The following GALNTL6 variants were observed in gnomAD, a reference collection of about 807,000 sequenced individuals.
GALNTL6 encodes polypeptide N-acetylgalactosaminyltransferase-like 6.
In GALNTL6, 46 loss-of-function variants were observed where a neutral mutation model predicts 73.7. The observed-to-expected ratio is 0.62, with a 90% confidence interval of 0.49 to 0.80. The LOEUF (loss-of-function observed/expected upper bound fraction) is 0.80, where lower values mean the gene tolerates loss of function less well. Among genes scored for constraint, GALNTL6 ranks in the 30% least tolerant of loss-of-function variants. GALNTL6 has a pLI of 0.00. For missense variants in GALNTL6, 604 were observed against 755.0 expected (o/e 0.80, Z 2.34); for synonymous variants, 259 against 263.7 (o/e 0.98, Z 0.17).
rs1579816427 is a variant in GALNTL6 at position 173,041,260 on chromosome 4, G to A, written c.*1160G>A. ...TCTTTTATTTGGAAGCTCATAAAAG[G>A]AATTACCATTAATAAAGTGTTTCTG... On this transcript the variant is annotated 3_prime_UTR_variant, in exon 13 of 13. Coordinates refer to ENST00000506823, the MANE Select transcript of GALNTL6 (RefSeq NM_001034845.3). The A allele has an allele frequency of 6.6e-6, 1 of 151,724 alleles. No individual in the cohort carries two copies. Among genetic ancestry groups the A allele is most frequent in the Non-Finnish European group, 1.5e-5 (1 of 67,942 alleles). The allele number at this position is 151,724 out of a possible 1,614,324, so 9.4% of individuals were successfully genotyped here.
At chr4:172,852,417 A>G (rs1256604746) in intron 7 of GALNTL6, among the ~76,000 whole-genome samples, 3 of 152,178 alleles carry the variant, frequency 2.0e-5, no homozygotes, top group Admixed American at 2.0e-4. Context: ...ACCTCTGCCC[A>G]CATCCCGTTG....
chr4:172,566,671 G>T (rs937318394), intron 5 of GALNTL6, among the ~76,000 whole-genome samples: 8 of 149,440 alleles, frequency 5.4e-5, no homozygotes, highest in Admixed American at 4.0e-4. Context: ...TAGATGGGAA[G>T]AAAAAATATT....
chr4:173,017,699 A>T (rs776221866), intron 11 of GALNTL6, among the ~76,000 whole-genome samples: 2 of 152,210 alleles, frequency 1.3e-5, no homozygotes, highest in Non-Finnish European at 2.9e-5. Flanking sequence ...TACATAAAAC[A>T]CTGTGAAAAT....
chr4:172,640,167 A>G lies in GALNTL6; in HGVS notation c.554-169194A>G, dbSNP rs534502433. Among the ~76,000 whole-genome samples, 3 of 152,276 alleles carry G rather than the reference A, an allele frequency of 2.0e-5. No individual in the cohort carries two copies. In the East Asian group the frequency reaches 5.8e-4, roughly 29 times the overall value. Reference sequence around the variant, plus strand: ...TTATAAAAGTCATCAAAAAACCATTACATTACAAATGCACAGTTAGTTCTG... The same window carrying G: ...TTATAAAAGTCATCAAAAAACCATTGCATTACAAATGCACAGTTAGTTCTG... On this transcript the variant is annotated intron_variant, in intron 5 of 12. Transcript: ENST00000506823.
At chr4:172,918,825 G>A (rs1255929157) in intron 8 of GALNTL6, among the ~76,000 whole-genome samples, 1 of 152,160 alleles carries the variant, frequency 6.6e-6, no homozygotes, top group South Asian at 2.1e-4. Flanking sequence ...GAAAATGGTG[G>A]AAAGCTGCCC....
intron 5 of GALNTL6, among the ~76,000 whole-genome samples, chr4:172,807,856 T>C (rs1437773078): frequency 6.6e-6 from 1 of 152,204 alleles, no homozygotes; most frequent in Admixed American, 6.5e-5. Context: ...ACAGTCTCAC[T>C]CTATTGCCCA....
chr4:171,816,378 C>T (rs149829567), intron 2 of GALNTL6: 14 of 151,842 alleles, frequency 9.2e-5, no homozygotes, highest in Non-Finnish European at 2.1e-4. Flanking sequence ...AAAACTGTGA[C>T]AGTTTAACTC....
chr4:172,831,032 G>T (rs1742599911), intron 7 of GALNTL6, among the ~76,000 whole-genome samples: 1 of 141,694 alleles, frequency 7.1e-6, no homozygotes, highest in South Asian at 2.4e-4. Flanking sequence ...GGTGGCACAT[G>T]CTTGTAATCT....
At chr4:172,869,198 A>T (rs1744802970) in intron 7 of GALNTL6, among the ~76,000 whole-genome samples, 1 of 152,230 alleles carries the variant, frequency 6.6e-6, no homozygotes, top group African/African-American at 2.4e-5. Context: ...ACTGCAAATA[A>T]TTTCTGGCCA....
intron 5 of GALNTL6, among the ~76,000 whole-genome samples, chr4:172,613,156 G>T (rs1057335468): frequency 6.6e-6 from 1 of 152,100 alleles, no homozygotes; most frequent in African/African-American, 2.4e-5. Flanking sequence ...CCCAGGATAA[G>T]AGATAGACAT....
chr4:172,627,815 G>A (rs1043200224), intron 5 of GALNTL6, among the ~76,000 whole-genome samples: 2 of 151,840 alleles, frequency 1.3e-5, no homozygotes, highest in African/African-American at 4.8e-5. Flanking sequence ...TAGTCTCTGA[G>A]AATTTTTTGT....
chr4:173,002,777 A>G (rs540977133), intron 10 of GALNTL6, among the ~76,000 whole-genome samples: 1 of 146,576 alleles, frequency 6.8e-6, no homozygotes, highest in Non-Finnish European at 1.5e-5. Flanking sequence ...CCTGGGGGAC[A>G]GAGTGAGACT....
intron 5 of GALNTL6, among the ~76,000 whole-genome samples, chr4:172,407,668 G>C (rs1744286230): frequency 6.6e-6 from 1 of 152,010 alleles, no homozygotes; most frequent in African/African-American, 2.4e-5. Flanking sequence ...TGCTTTATTT[G>C]ATGATTCAGG....
intron 3 of GALNTL6, among the ~76,000 whole-genome samples, chr4:172,265,427 GA>G (rs1346998177): frequency 6.6e-6 from 1 of 152,018 alleles, no homozygotes; most frequent in Non-Finnish European, 1.5e-5. Context: ...TGAAAGACTA[GA>G]CAAAGCATTT....
intron 4 of GALNTL6, among the ~76,000 whole-genome samples, chr4:172,318,155 C>T (rs542027653): frequency 6.6e-6 from 1 of 152,172 alleles, no homozygotes; most frequent in East Asian, 1.9e-4. Flanking sequence ...CAATTGTATG[C>T]ACAGTAATAC....
At chr4:172,447,785 A>G (rs1732077729) in intron 5 of GALNTL6, among the ~76,000 whole-genome samples, 1 of 152,262 alleles carries the variant, frequency 6.6e-6, no homozygotes, top group South Asian at 2.1e-4. Flanking sequence ...CCTACACTTC[A>G]TGTAAAGTGC....
At chr4:172,850,529 T>C (rs1036006486) in intron 7 of GALNTL6, among the ~76,000 whole-genome samples, 4 of 152,150 alleles carry the variant, frequency 2.6e-5, no homozygotes, top group African/African-American at 9.7e-5. Flanking sequence ...CACTAAAATA[T>C]ACGGGAATTT....
chr4:172,219,947 C>G (rs1357574296), intron 2 of GALNTL6, among the ~76,000 whole-genome samples: 1 of 151,786 alleles, frequency 6.6e-6, no homozygotes, highest in East Asian at 1.9e-4. Flanking sequence ...TTGTGAAATA[C>G]TTTTTTAGAA....
intron 5 of GALNTL6, among the ~76,000 whole-genome samples, chr4:172,580,524 T>G (rs1737141474): frequency 6.6e-6 from 1 of 152,190 alleles, no homozygotes; most frequent in African/African-American, 2.4e-5. Context: ...TATATTCTTT[T>G]CTTTTCTGTT....
Sources: gnomAD v4.1 joint callset for allele counts (sites outside exome capture counted in the v4.1 genomes callset) on GRCh38, gnomAD v4.1.1 for gene constraint, MANE v1.5 for transcripts, NCBI Gene and HGNC (gene_info 2026-07-23, HGNC 2026-07-21) for gene names.